The following RAB28 variants were observed in gnomAD, a reference collection of about 807,000 sequenced individuals.
RAB28 encodes ras-related protein Rab-28.
In RAB28, 24 loss-of-function variants were observed where a neutral mutation model predicts 31.7. The observed-to-expected ratio is 0.76, with a 90% CI of 0.55 to 1.06. The LOEUF is 1.06. Among genes scored for constraint, RAB28 ranks in the 50% least tolerant of loss-of-function variants. The probability of loss-of-function intolerance (pLI) is 0.00; values close to 1 mark genes in which losing one functional copy is unlikely to be tolerated. For synonymous variants in RAB28, 100 were observed against 90.4 expected, an observed-to-expected ratio of 1.11 and a Z score of -0.60; for missense variants, 254 against 258.5, an observed-to-expected ratio of 0.98 and a Z score of 0.12.
At chr4:13,444,920 C>T (rs1251531549) in intron 4 of RAB28, among the ~76,000 whole-genome samples, 1 of 152,004 alleles carries the variant, frequency 6.6e-6, no homozygotes, top group Admixed American at 6.6e-5. Context: ...ATTTGAATGT[C>T]GGCCTGTCTT....
intron 4 of RAB28, among the ~76,000 whole-genome samples, chr4:13,459,081 C>T (rs1308067904): frequency 6.6e-6 from 1 of 152,294 alleles, no homozygotes; most frequent in East Asian, 1.9e-4. Context: ...GTCTTCCGGC[C>T]TCCATCTTTT....
chr4:13,416,547 A>C (rs555854348), intron 4 of RAB28, among the ~76,000 whole-genome samples: 1 of 152,352 alleles, frequency 6.6e-6, no homozygotes, highest in East Asian at 1.9e-4. Context: ...AATACAGAGA[A>C]AAATTAAAGG....
chr4:13,408,705 G>A (rs1160368498), intron 4 of RAB28, among the ~76,000 whole-genome samples: 1 of 152,138 alleles, frequency 6.6e-6, no homozygotes, highest in Non-Finnish European at 1.5e-5. Context: ...TGTATGAGAT[G>A]CAAGTATGAG....
chr4:13,368,622 T>C lies in RAB28; in HGVS notation c.602A>G (p.Tyr201Cys). 6.2e-7 allele frequency: 1 copy of C among 1,612,320 alleles called. No homozygotes were observed. Among genetic ancestry groups the C allele is most frequent in the Non-Finnish European group, 8.5e-7 (1 of 1,178,988 alleles). Residue 201 changes from tyrosine (Y) to cysteine (C), a missense_variant, in exon 7 of 7, where the codon TAC becomes TGC. Physicochemically the swap from Tyr to Cys is radical, Grantham distance 194. Transcript: ENST00000330852. The part of the protein sequence containing the change: ...QRVVKADIVN[Y>C]NQEPMSRTVN... ...AGTCCTTGACATAGGTTCCTGGTTGTAGTTTACAATATCTGCCTTCACCAC... is the reference window on the plus strand; with the variant it reads ...AGTCCTTGACATAGGTTCCTGGTTGCAGTTTACAATATCTGCCTTCACCAC...
chr4:13,484,006 G>A (rs1023117145), intron 1 of RAB28, 70 bp downstream of exon 1: 14 of 1,421,824 alleles, frequency 9.8e-6, no homozygotes, highest in South Asian at 1.2e-5. Flanking sequence ...GACGCCGGGC[G>A]GCGGGGAGGA....
intron 4 of RAB28, among the ~76,000 whole-genome samples, chr4:13,415,237 A>G (rs73819844): frequency 0.094 from 14,337 of 152,290 alleles, 1,331 homozygotes; most frequent in African/African-American, 0.24. Flanking sequence ...AGTTGACAGC[A>G]TGCTGGCAGC....
chr4:13,396,196 T>C (rs971619700), intron 4 of RAB28, among the ~76,000 whole-genome samples: 7 of 151,982 alleles, frequency 4.6e-5, no homozygotes, highest in African/African-American at 1.7e-4. Flanking sequence ...AATATAAATA[T>C]AGCACTTGTA....
At chr4:13,445,992 C>A (rs1055586825) in intron 4 of RAB28, among the ~76,000 whole-genome samples, 1 of 152,140 alleles carries the variant, frequency 6.6e-6, no homozygotes, top group Non-Finnish European at 1.5e-5. Context: ...CCCCCAGGTG[C>A]TCTATCCAAG....
chr4:13,443,767 C>T (rs1714541178), intron 4 of RAB28, among the ~76,000 whole-genome samples: 1 of 152,190 alleles, frequency 6.6e-6, no homozygotes. Flanking sequence ...AGTTACCATG[C>T]TGTACAATAG....
intron 3 of RAB28, among the ~76,000 whole-genome samples, chr4:13,461,124 T>C (rs867134376): frequency 4.6e-5 from 7 of 152,162 alleles, no homozygotes; most frequent in Non-Finnish European, 8.8e-5. Flanking sequence ...ACAGTAAATA[T>C]AAGAAAATCA....
At chr4:13,451,806 T>C (rs1279313495) in intron 4 of RAB28, among the ~76,000 whole-genome samples, 1 of 151,966 alleles carries the variant, frequency 6.6e-6, no homozygotes, top group African/African-American at 2.4e-5. Flanking sequence ...ATTTCGCATA[T>C]GGATATCCAA....
At chr4:13,461,772 C>T (rs1715601453) in intron 3 of RAB28, among the ~76,000 whole-genome samples, 1 of 152,196 alleles carries the variant, frequency 6.6e-6, no homozygotes, top group South Asian at 2.1e-4. Context: ...CAAAGCTCTA[C>T]ATACAGTATA....
chr4:13,374,290 G>A (rs550136627), intron 6 of RAB28, among the ~76,000 whole-genome samples: 1 of 152,204 alleles, frequency 6.6e-6, no homozygotes, highest in South Asian at 2.1e-4. Flanking sequence ...GGAGGGTAGG[G>A]AACTATGTAG....
intron 4 of RAB28, among the ~76,000 whole-genome samples, chr4:13,425,892 T>C (rs954705340): frequency 2.0e-4 from 30 of 152,198 alleles, no homozygotes; most frequent in African/African-American, 6.8e-4. Context: ...ACAATATACA[T>C]GTGATTGTCC....
At chr4:13,428,155 TCGATCTTTAACCAGGCCCAGGG>T (rs1398605562) in intron 4 of RAB28, among the ~76,000 whole-genome samples, 1 of 152,152 alleles carries the variant, frequency 6.6e-6, no homozygotes, top group Non-Finnish European at 1.5e-5. Context: ...AGGTCAGGGG[TCGATCTTTAACCAGGCCCAGGG>T]CGCGCCGCCG....
chr4:13,423,361 C>A (rs1013725314), intron 4 of RAB28, among the ~76,000 whole-genome samples: 2 of 151,928 alleles, frequency 1.3e-5, no homozygotes, highest in Non-Finnish European at 2.9e-5. Context: ...CAGAGTGAAA[C>A]CCCGTCTCTA....
intron 4 of RAB28, among the ~76,000 whole-genome samples, chr4:13,411,042 G>A (rs2108909397): frequency 6.6e-6 from 1 of 152,020 alleles, no homozygotes; most frequent in East Asian, 1.9e-4. Flanking sequence ...CAAACAACAT[G>A]ATAAATTTCC....
intron 4 of RAB28, among the ~76,000 whole-genome samples, chr4:13,385,193 G>A (rs1237532573): frequency 1.3e-5 from 2 of 152,156 alleles, no homozygotes; most frequent in East Asian, 3.8e-4. Context: ...CTGAGAAATA[G>A]GAGATTACAT....
intron 4 of RAB28, among the ~76,000 whole-genome samples, chr4:13,447,402 C>T (rs1714753456): frequency 6.6e-6 from 1 of 152,002 alleles, no homozygotes; most frequent in Admixed American, 6.5e-5. Flanking sequence ...CTGCCTGCGC[C>T]TTAGTTTCAT....
Sources: gnomAD v4.1 joint callset for allele counts (sites outside exome capture counted in the v4.1 genomes callset) on GRCh38, gnomAD v4.1.1 for gene constraint, MANE v1.5 for transcripts, NCBI Gene and HGNC (gene_info 2026-07-23, HGNC 2026-07-21) for gene names.